Variants in ZNF705G observed in about 807,000 individuals in gnomAD.
ZNF705G encodes zinc finger protein 705G, also known as putative zinc finger protein 705G.
A neutral mutation model predicts 19.6 loss-of-function variants in ZNF705G; 23 were observed. The ratio of observed to expected loss-of-function variants is 1.17; its 90% CI spans 0.84 to 1.66. The LOEUF (loss-of-function observed/expected upper bound fraction) is 1.66, where lower values mean the gene tolerates loss of function less well. ZNF705G is among the 40% of genes most tolerant of loss of function. The probability of loss-of-function intolerance (pLI) is 0.00; values close to 1 mark genes in which losing one functional copy is unlikely to be tolerated. For synonymous variants in ZNF705G, 146 were observed against 117.7 expected (o/e 1.24, Z -1.56); for missense variants, 457 against 354.4 (o/e 1.29, Z -2.32).
intron 4 of ZNF705G, 70 bp from the exon 5 acceptor site, chr8:7,360,402 G>T (rs547517614): frequency 6.3e-7 from 1 of 1,579,426 alleles, no homozygotes; most frequent in Non-Finnish European, 8.5e-7. Flanking sequence ...CAAGTGTAAT[G>T]CAGGCTATCA....
At chr8:7,364,551 A>G (rs1213853142) in intron 2 of ZNF705G, among the ~76,000 whole-genome samples, 3 of 149,508 alleles carry the variant, frequency 2.0e-5, no homozygotes, top group Non-Finnish European at 2.9e-5. Context: ...AATACTTTTA[A>G]TTATATTCTG....
chr8:7,380,627 T>G (rs1197909724), intron 2 of ZNF705G, among the ~76,000 whole-genome samples: 1 of 146,290 alleles, frequency 6.8e-6, no homozygotes, highest in Non-Finnish European at 1.5e-5. Context: ...CCATCTGGGG[T>G]CACGAGAGTT....
rs879011290 is a variant in ZNF705G, at chr8:7,363,277, G to A, written c.-71-260C>T. 2.7e-5 allele frequency among the ~76,000 whole-genome samples: 4 copies of A among 148,054 alleles called. 1 individual carries two copies. The South Asian group carries it at 8.4e-4, about 31-fold the overall frequency. Reference sequence around the variant, plus strand: ...AGCACGGAGTTTTGTATGTTAATTGGCACAAGTCCAGATATTCAATTCCCT... The same window carrying A: ...AGCACGGAGTTTTGTATGTTAATTGACACAAGTCCAGATATTCAATTCCCT... On this transcript the variant is annotated intron_variant, in intron 2 of 6. Coordinates refer to ENST00000400156, the MANE Select transcript of ZNF705G (RefSeq NM_001164457.3).
chr8:7,363,990 T>C (rs771792291), intron 2 of ZNF705G, among the ~76,000 whole-genome samples: 2 of 149,338 alleles, frequency 1.3e-5, no homozygotes, highest in Non-Finnish European at 2.9e-5. Context: ...GTCACAATCC[T>C]CTAGGATGCT....
intron 2 of ZNF705G, among the ~76,000 whole-genome samples, chr8:7,370,325 C>T (rs1398559552): frequency 1.1e-4 from 16 of 146,570 alleles, no homozygotes; most frequent in African/African-American, 4.3e-4. Flanking sequence ...AGAACAGATA[C>T]AAATGGCCAA....
At chr8:7,359,734 G>C (rs55911900) in intron 5 of ZNF705G, 33 bp from the exon 6 acceptor site, 3 of 1,603,988 alleles carry the variant, frequency 1.9e-6, no homozygotes, top group East Asian at 2.2e-5. Context: ...TGTTACATTG[G>C]TATTATGGTA....
At chr8:7,364,022 G>A (rs1340935820) in intron 2 of ZNF705G, among the ~76,000 whole-genome samples, 2 of 149,524 alleles carry the variant, frequency 1.3e-5, no homozygotes, top group Admixed American at 1.3e-4. Context: ...AAATGACTTA[G>A]GAGAGGGAGA....
intron 2 of ZNF705G, among the ~76,000 whole-genome samples, chr8:7,364,617 C>G (rs375444915): frequency 6.7e-6 from 1 of 149,702 alleles, no homozygotes; most frequent in Admixed American, 6.6e-5. Context: ...CCAACGTTCT[C>G]TATGATTCTG....
intron 2 of ZNF705G, among the ~76,000 whole-genome samples, chr8:7,363,593 C>T (rs372042193): frequency 8.7e-5 from 13 of 149,502 alleles, no homozygotes; most frequent in Admixed American, 4.6e-4. Context: ...GGCCAAGGCA[C>T]GTGGATCACC....
In ZNF705G at chr8:7,361,172, G is replaced by A. The variant is rs757864224; in HGVS notation, c.77C>T (p.Thr26Ile). 2 of 1,593,116 alleles carry A rather than the reference G, an allele frequency of 1.3e-6. No homozygotes were observed. The highest frequency in any genetic ancestry group is 1.7e-6 in the Non-Finnish European group (2 of 1,179,462). ...FTQEEWAMMD[T>I]SKRKLYRDVM... is the part of the protein sequence containing the mutation. The stretch of plus-strand genomic sequence containing the variant: ...ATCTCTGTACAGCTTTCTCTTGGAT[G>A]TGTCCATCATGGCCCACTCTTCCTG... The change falls in exon 4 of 7, where the codon ACA (threonine) becomes ATA (isoleucine). Residue 26 changes from threonine (T) to isoleucine (I), a missense_variant. Transcript: ENST00000400156.
intron 2 of ZNF705G, among the ~76,000 whole-genome samples, chr8:7,379,602 A>G (rs1807399389): frequency 6.8e-6 from 1 of 147,144 alleles, no homozygotes; most frequent in Non-Finnish European, 1.5e-5. Flanking sequence ...AGGAAGGAAA[A>G]TGAAGCAGCT....
Position 7,365,187 on chromosome 8 carries a change from C to A in ZNF705G, c.-71-2170G>T, listed in dbSNP as rs990737291. The stretch of plus-strand genomic sequence containing the variant: ...TAGAGATTAAATATATTTAAAAACA[C>A]ATACATACACAAGCAATCTTTAGGA... On this transcript the variant is annotated intron_variant, in intron 2 of 6. Transcript: ENST00000400156. Among the ~76,000 whole-genome samples, 11 of 149,494 alleles carry A rather than the reference C, an allele frequency of 7.4e-5. 2 individuals carry two copies. Among genetic ancestry groups the A allele is most frequent in the African/African-American group, 2.8e-4 (11 of 38,910 alleles).
In ZNF705G at chr8:7,360,345, A is replaced by G. The variant is rs1294026211; in HGVS notation, c.140-13T>C. The G allele has an allele frequency of 1.8e-5, 28 of 1,588,030 alleles. No homozygotes were observed. The highest frequency in any genetic ancestry group is 2.4e-5 in the Non-Finnish European group (28 of 1,177,816). The stretch of plus-strand genomic sequence containing the variant: ...CTTATCTGGTACCCTGTTAGTGGAA[A>G]GAATACATGTGTTTTGAGTTCACTG... On this transcript the variant is annotated splice_polypyrimidine_tract_variant and intron_variant, in intron 4 of 6. Transcript: ENST00000400156.
At chr8:7,368,748 G>T (rs558347283) in intron 2 of ZNF705G, among the ~76,000 whole-genome samples, 1 of 149,780 alleles carries the variant, frequency 6.7e-6, no homozygotes, top group East Asian at 1.9e-4. Flanking sequence ...TGTGAGCTGG[G>T]CCCAGTGCAA....
At chr8:7,364,185 G>C (rs1806743775) in intron 2 of ZNF705G, among the ~76,000 whole-genome samples, 1 of 149,630 alleles carries the variant, frequency 6.7e-6, no homozygotes, top group Admixed American at 6.6e-5. Context: ...TTCGTACATA[G>C]ATATGTAGAT....
rs1270079965 is a variant in ZNF705G, at chr8:7,371,229, A to G, written c.-71-8212T>C. ...GGCCAACCACAGAATGACAATTACT[A>G]TATGATTTCACTTGTATTTGAAATC... is the stretch of plus-strand genomic sequence containing the variant. On this transcript the variant is annotated intron_variant, in intron 2 of 6. Coordinates refer to ENST00000400156, the MANE Select transcript of ZNF705G (RefSeq NM_001164457.3). 1.9e-5 allele frequency among the ~76,000 whole-genome samples: 2 copies of G among 103,862 alleles called. 1 individual carries two copies. Among genetic ancestry groups the G allele is most frequent in the South Asian group, 6.6e-4 (2 of 3,016 alleles). The allele number at this position is 103,862 out of a possible 152,430, so 68.1% of individuals were successfully genotyped here.
At chr8:7,367,542 A>G (rs1366147311) in intron 2 of ZNF705G, among the ~76,000 whole-genome samples, 3 of 149,526 alleles carry the variant, frequency 2.0e-5, no homozygotes, top group African/African-American at 5.1e-5. Context: ...TGCATGCTCA[A>G]TTTCAAAGGG....
intron 2 of ZNF705G, among the ~76,000 whole-genome samples, chr8:7,365,142 A>G (rs958705520): frequency 6.7e-6 from 1 of 149,686 alleles, no homozygotes; most frequent in African/African-American, 2.6e-5. Flanking sequence ...TGTGGAATCT[A>G]TAAAAACTAT....
Position 7,358,040 on chromosome 8 carries a change from C to A in ZNF705G, c.839G>T (p.Gly280Val), listed in dbSNP as rs748358018. ...GFRGNKIIHT[G>V]EKPHACLLCG... is the part of the protein sequence containing the mutation. The stretch of plus-strand genomic sequence containing the variant: ...TAGAAGACAAGCATGTGGTTTCTCT[C>A]CAGTGTGAATTATTTTGTTTCCTCT... The change falls in exon 7 of 7, where the codon GGA (glycine) becomes GTA (valine). Residue 280 changes from glycine to valine, a missense_variant. Transcript: ENST00000400156. 12 of 1,608,710 alleles carry A rather than the reference C, an allele frequency of 7.5e-6. 3 individuals carry two copies. The African/African-American group carries it at 1.4e-4, about 19-fold the overall frequency.
Sources: allele counts gnomAD v4.1 joint callset (sites outside exome capture counted in the v4.1 genomes callset), GRCh38; gene constraint gnomAD v4.1.1; transcripts MANE v1.5; gene names NCBI Gene and HGNC (gene_info 2026-07-23, HGNC 2026-07-21).